TRAF7: variants seen among roughly 807,000 people sequenced by gnomAD.
The protein encoded by TRAF7 is TNF receptor associated factor 7.
Under a neutral mutation model 89.3 loss-of-function variants are expected in TRAF7, and 45 were observed. The observed-to-expected ratio is 0.50, with a 90% CI of 0.40 to 0.65. The LOEUF (loss-of-function observed/expected upper bound fraction) is 0.65, where lower values mean the gene tolerates loss of function less well. TRAF7 is among the 30% of genes least tolerant of loss of function. TRAF7 has a pLI of 0.00. For missense variants in TRAF7, 677 were observed against 918.1 expected (o/e 0.74, Z 3.39); for synonymous variants, 406 against 369.2 (o/e 1.10, Z -1.14).
At chr16:2,157,592 C>T (rs1461903237) in intron 1 of TRAF7, among the ~76,000 whole-genome samples, 1 of 152,202 alleles carries the variant, frequency 6.6e-6, no homozygotes, top group Non-Finnish European at 1.5e-5. Context: ...CCCACCCTCC[C>T]GCATGGGGCC....
At chr16:2,164,155 TGTGTGCGCGCGCGCGCGCGCGC>T (rs1157043364) in intron 2 of TRAF7, among the ~76,000 whole-genome samples, 154 bp downstream of exon 2, 1 of 130,480 alleles carries the variant, frequency 7.7e-6, no homozygotes, top group Non-Finnish European at 1.7e-5. Flanking sequence ...TGTGTGTGTG[TGTGTGCGCGCGCGCGCGCGCGC>T]GCGCACGCGT....
Position 2,172,609 on chromosome 16 carries a change from G to A in TRAF7, c.794+10G>A. The stretch of plus-strand genomic sequence containing the variant: ...CCCACTCCAAGTACGGGTGAGTGGG[G>A]GGCGGGCGGGGGTGGGCCGGGGTGG... On this transcript the variant is annotated intron_variant, in intron 9 of 20. Coordinates refer to ENST00000326181, the MANE Select transcript of TRAF7 (RefSeq NM_032271.3). The A allele has an allele frequency of 6.5e-7, 1 of 1,541,072 alleles. No homozygotes were observed. Among genetic ancestry groups the A allele is most frequent in the African/African-American group, 1.4e-5 (1 of 72,952 alleles).
rs537830842 is a variant in TRAF7 at position 2,159,157 on chromosome 16, C to G, written c.-39+3299C>G. Among the ~76,000 whole-genome samples the G allele has an allele frequency of 6.6e-6, 1 of 152,292 alleles. No homozygotes were observed. Among genetic ancestry groups the G allele is most frequent in the South Asian group, 2.1e-4 (1 of 4,830 alleles). ...CCCCTCCCTGGAGCAGAGGGAGATA[C>G]GGACGCTGGAGAGGCTTGGCCAGGG... On this transcript the variant is annotated intron_variant, in intron 1 of 20. Transcript: ENST00000326181. This position sits in a 1 kb window ranked among gnomAD's most constrained non-coding sequence, Gnocchi z 6.5.
At chr16:2,173,660 T>C in intron 11 of TRAF7, 106 bp downstream of exon 11, 1 of 1,570,982 alleles carries the variant, frequency 6.4e-7, no homozygotes. Context: ...AGATCAGGGG[T>C]CTTGTGTGTG....
chr16:2,174,199 CT>C, intron 13 of TRAF7, 51 bp from the exon 14 acceptor site: 3 of 1,601,060 alleles, frequency 1.9e-6, no homozygotes, highest in Non-Finnish European at 2.6e-6. Flanking sequence ...CATGCTGCCC[CT>C]TGACACTGGG....
rs74573292 is a variant in TRAF7, at chr16:2,176,327, C to T, written c.1941C>T (p.Thr647=). 1.4e-3 allele frequency: 2,183 copies of T among 1,604,188 alleles called. 48 individuals carry two copies. The East Asian group carries it at 0.04, about 29-fold the overall frequency. The change falls in exon 20 of 21, where the codon ACC becomes ACT. Residue 647 remains threonine, a synonymous_variant. Coordinates refer to ENST00000326181, the MANE Select transcript of TRAF7 (RefSeq NM_032271.3). ...TGCTGCGTCACCAGGGCAGTGTCAC[C>T]GCGCTGGCTGTGTCCCGGGGCCGAC... ...QTLLRHQGSV[T]ALAVSRGRLF...
intron 4 of TRAF7, among the ~76,000 whole-genome samples, chr16:2,169,426 C>T (rs1165838054): frequency 2.0e-5 from 3 of 152,148 alleles, no homozygotes; most frequent in African/African-American, 7.2e-5. Context: ...CACGAGTCCT[C>T]CATGTCTGTG....
chr16:2,170,260 G>A (rs1362446503), intron 4 of TRAF7, among the ~76,000 whole-genome samples: 1 of 152,240 alleles, frequency 6.6e-6, no homozygotes, highest in Admixed American at 6.5e-5. Context: ...GTCCAGGATT[G>A]GCTGGTGGAG....
Position 2,170,391 on chromosome 16 carries a change from C to T in TRAF7, c.232-223C>T, listed in dbSNP as rs147965085. Among the ~76,000 whole-genome samples the T allele has an allele frequency of 3.3e-5, 5 of 152,364 alleles. No individual in the cohort carries two copies. In the East Asian group the frequency reaches 9.6e-4, roughly 29 times the overall value. On this transcript the variant is annotated intron_variant, in intron 4 of 20. Coordinates refer to ENST00000326181, the MANE Select transcript of TRAF7 (RefSeq NM_032271.3). ...GAGGTGGCAGGCGTGAGCGGGCAGC[C>T]CAGCACCCCGGCCCAGGCCGCCCAG...
In TRAF7 at chr16:2,177,198, T is replaced by C; in HGVS notation, c.*624T>C. 4.1e-6 allele frequency: 1 copy of C among 243,070 alleles called. No individual in the cohort carries two copies. The highest frequency in any genetic ancestry group is 8.2e-6 in the Non-Finnish European group (1 of 122,516). 15.1% of individuals were successfully genotyped at this position (243,070 alleles called of 1,614,324 possible). The stretch of plus-strand genomic sequence containing the variant: ...AGGCACCTCTGTTTCCTGCTGTTTA[T>C]TGACAGCCGACGGCAGCGCCTTGCC... On this transcript the variant is annotated 3_prime_UTR_variant, in exon 21 of 21. Transcript: ENST00000326181.
intron 7 of TRAF7, 95 bp downstream of exon 7, chr16:2,171,700 C>G (rs555950090): frequency 6.3e-7 from 1 of 1,585,452 alleles, no homozygotes; most frequent in African/African-American, 1.3e-5. Flanking sequence ...GCACAGCGTC[C>G]GGCCCTGTTT....
rs147197111 is a variant in TRAF7 at position 2,161,464 on chromosome 16, G to C, written c.-38-2419G>C. Reference sequence around the variant, plus strand: ...CCAGACTGTGAGCAACAGGCACTGAGGCCAGCCCGACCCATCCCAGGGGAG... The same window carrying C: ...CCAGACTGTGAGCAACAGGCACTGACGCCAGCCCGACCCATCCCAGGGGAG... On this transcript the variant is annotated intron_variant, in intron 1 of 20. Transcript: ENST00000326181. The surrounding 1 kb of genome is among the most constrained non-coding windows in gnomAD (Gnocchi z 5.2). 1.3e-3 allele frequency among the ~76,000 whole-genome samples: 204 copies of C among 152,244 alleles called. 1 individual carries two copies. In the East Asian group the frequency reaches 0.022, roughly 17 times the overall value.
At position 2,165,866 on chromosome 16, in the gene TRAF7, G is replaced by T; in HGVS notation, c.82-13G>T. 6.2e-7 allele frequency: 1 copy of T among 1,614,018 alleles called. No homozygotes were observed. Among genetic ancestry groups the T allele is most frequent in the Non-Finnish European group, 8.5e-7 (1 of 1,179,942 alleles). ...CCCGGAATGAGGCCAGGTCTCCTCC[G>T]TCCTCCCTCTAGACCAGAATGGAAA... On this transcript the variant is annotated splice_polypyrimidine_tract_variant and intron_variant, in intron 2 of 20. Coordinates refer to ENST00000326181, the MANE Select transcript of TRAF7 (RefSeq NM_032271.3).
At position 2,173,720 on chromosome 16, in the gene TRAF7, C is replaced by T; in HGVS notation, c.1087-68C>T. 9 of 1,598,672 alleles carry T rather than the reference C, an allele frequency of 5.6e-6. No homozygotes were observed. In the South Asian group the frequency reaches 7.7e-5, roughly 14 times the overall value. ...CACCCCTGGCCCAGGGCAGCAGGGGCAGAGAGGCTGCACTGGCCCCACAGC... is the reference window on the plus strand; with the variant it reads ...CACCCCTGGCCCAGGGCAGCAGGGGTAGAGAGGCTGCACTGGCCCCACAGC... On this transcript the variant is annotated intron_variant, in intron 11 of 20. Transcript: ENST00000326181.
chr16:2,170,430 G>A (rs2093103875), intron 4 of TRAF7, among the ~76,000 whole-genome samples, 184 bp from the exon 5 acceptor site: 1 of 152,246 alleles, frequency 6.6e-6, no homozygotes, highest in Admixed American at 6.5e-5. Flanking sequence ...GGCAGGCAGG[G>A]ACCTGGGTTG....
intron 14 of TRAF7, 33 bp downstream of exon 14, chr16:2,174,366 CCAGGA>C: frequency 5.6e-6 from 9 of 1,605,560 alleles, no homozygotes; most frequent in Non-Finnish European, 7.7e-6. Flanking sequence ...TCAGTGATTC[CCAGGA>C]CAGGAGACGT....
At position 2,158,888 on chromosome 16, in the gene TRAF7, G is replaced by A. The variant is rs2078282; in HGVS notation, c.-39+3030G>A. Among the ~76,000 whole-genome samples, 25,676 of 151,936 alleles carry A rather than the reference G, an allele frequency of 0.17. 2,962 individuals are homozygous for A. Among genetic ancestry groups the A allele is most frequent in the Middle Eastern group, 0.29 (84 of 292 alleles). ...GGAACGCACTCCCCAGCCCAGAGCT[G>A]TGAAGCTGGGGTCTCTTCCTGTGCC... On this transcript the variant is annotated intron_variant, in intron 1 of 20. Transcript: ENST00000326181. The surrounding 1 kb of genome is among the most constrained non-coding windows in gnomAD (Gnocchi z 4.7).
At chr16:2,172,642 C>G in intron 9 of TRAF7, 43 bp downstream of exon 9, 1 of 1,532,092 alleles carries the variant, frequency 6.5e-7, no homozygotes, top group South Asian at 1.2e-5. Context: ...TGGGCGCAGG[C>G]CCTCCACAGG....
chr16:2,175,959 G>T lies in TRAF7; in HGVS notation c.1746+6G>T, dbSNP rs779930176. On this transcript the variant is annotated splice_donor_region_variant and intron_variant, in intron 18 of 20. Transcript: ENST00000326181. ...CCTACGAGAACCTCATCCACGTAAG[G>T]CCTGGGCATCTGGGTGCAAGGCCAG... 5.0e-6 allele frequency: 8 copies of T among 1,613,110 alleles called. No homozygotes were observed. The South Asian group carries it at 8.8e-5, about 18-fold the overall frequency.
Sources: allele counts gnomAD v4.1 joint callset (sites outside exome capture counted in the v4.1 genomes callset), GRCh38; gene constraint gnomAD v4.1.1; non-coding constraint Gnocchi (gnomAD v3.1); transcripts MANE v1.5; gene names NCBI Gene and HGNC (gene_info 2026-07-23, HGNC 2026-07-21).